Variants in IGSF11 observed in about 807,000 individuals in gnomAD.
The protein encoded by IGSF11 is immunoglobulin superfamily member 11, also known as CXADR like 1.
In IGSF11, 22 loss-of-function variants were observed where a neutral mutation model predicts 41.0. That is an observed-to-expected ratio of 0.54 (90% confidence interval 0.38 to 0.77). The LOEUF (loss-of-function observed/expected upper bound fraction) is 0.77. Among genes scored for constraint, IGSF11 ranks in the 30% least tolerant of loss-of-function variants. The pLI is 0.00. For missense variants in IGSF11, 444 were observed against 530.8 expected, an observed-to-expected ratio of 0.84 and a Z score of 1.61; for synonymous variants, 219 against 201.3, an observed-to-expected ratio of 1.09 and a Z score of -0.74.
At chr3:118,948,793 G>A (rs1026125828) in intron 1 of IGSF11, among the ~76,000 whole-genome samples, 6 of 151,642 alleles carry the variant, frequency 4.0e-5, no homozygotes, top group South Asian at 2.1e-4. Context: ...GTGAGACCCC[G>A]TTTCTACTAA....
At chr3:118,935,364 CCT>C (rs1943178624) in intron 1 of IGSF11, among the ~76,000 whole-genome samples, 1 of 121,994 alleles carries the variant, frequency 8.2e-6, no homozygotes, top group East Asian at 2.3e-4. Context: ...GTATATACAC[CCT>C]GAGATATATA....
At chr3:118,906,965 G>C (rs902533124) in intron 4 of IGSF11, among the ~76,000 whole-genome samples, 4 of 152,168 alleles carry the variant, frequency 2.6e-5, no homozygotes, top group Non-Finnish European at 5.9e-5. Context: ...TCACCTCTAA[G>C]CTCTAGGCTT....
chr3:119,051,676 A>C (rs771154880), intron 1 of IGSF11, among the ~76,000 whole-genome samples: 4 of 152,232 alleles, frequency 2.6e-5, no homozygotes, highest in Non-Finnish European at 4.4e-5. Context: ...CACAATATAC[A>C]TTCTATTTAT....
intron 1 of IGSF11, among the ~76,000 whole-genome samples, chr3:118,936,817 G>A (rs9837571): frequency 0.14 from 21,553 of 152,132 alleles, 2,186 homozygotes; most frequent in African/African-American, 0.26. Context: ...TACATGTTAG[G>A]GGAAATGAAG....
At chr3:118,993,028 C>G (rs185455561) in intron 1 of IGSF11, among the ~76,000 whole-genome samples, 38 of 152,240 alleles carry the variant, frequency 2.5e-4, no homozygotes, top group African/African-American at 8.4e-4. Context: ...GAGTTCAAGA[C>G]CAGCCTAGGG....
At chr3:119,075,845 T>G (rs2076485445) in intron 1 of IGSF11, among the ~76,000 whole-genome samples, 2 of 152,142 alleles carry the variant, frequency 1.3e-5, no homozygotes, top group African/African-American at 4.8e-5. Context: ...CCAAGGTAAT[T>G]TATAGATTCA....
chr3:119,058,198 G>C (rs1941924401), intron 1 of IGSF11, among the ~76,000 whole-genome samples: 1 of 151,950 alleles, frequency 6.6e-6, no homozygotes, highest in East Asian at 1.9e-4. Flanking sequence ...CCTACAAAAT[G>C]GGAGAAAATT....
chr3:119,087,781 T>TA (rs1286975402), intron 1 of IGSF11, among the ~76,000 whole-genome samples: 2 of 152,072 alleles, frequency 1.3e-5, no homozygotes, highest in African/African-American at 4.8e-5. Flanking sequence ...AAATAAAAAT[T>TA]AAAATTTTTT....
At chr3:118,949,556 A>G (rs992976195) in intron 1 of IGSF11, among the ~76,000 whole-genome samples, 2 of 152,202 alleles carry the variant, frequency 1.3e-5, no homozygotes, top group Non-Finnish European at 2.9e-5. Flanking sequence ...CATAGCTGAA[A>G]TGTGATGAAA....
rs28814994 is a variant in IGSF11, at chr3:119,111,350, A to G, written c.-13-6145T>C. On this transcript the variant is annotated intron_variant, in intron 1 of 7. Transcript: ENST00000425327. ...CTTCATTTCATTCATTTCATCTTCC[A>G]TCACTGATACCCTTTCTTCCAGTTG... Among the ~76,000 whole-genome samples, 489 of 152,104 alleles carry G rather than the reference A, an allele frequency of 3.2e-3. 2 individuals carry two copies. Among genetic ancestry groups the G allele is most frequent in the African/African-American group, 0.011 (468 of 41,490 alleles).
chr3:119,025,745 T>A (rs2107722567), intron 1 of IGSF11, among the ~76,000 whole-genome samples: 1 of 152,180 alleles, frequency 6.6e-6, no homozygotes, highest in African/African-American at 2.4e-5. Flanking sequence ...GGATGTTAAA[T>A]GTGTACATCC....
At chr3:118,905,922 C>T (rs947178704) in intron 4 of IGSF11, among the ~76,000 whole-genome samples, 12 of 152,028 alleles carry the variant, frequency 7.9e-5, no homozygotes, top group Admixed American at 5.2e-4. Flanking sequence ...AACTTTGGAG[C>T]GCTGTCCTAA....
intron 1 of IGSF11, among the ~76,000 whole-genome samples, chr3:118,942,365 C>T (rs1411651207): frequency 1.3e-5 from 2 of 152,196 alleles, no homozygotes; most frequent in African/African-American, 4.8e-5. Context: ...AGGCACTTAA[C>T]CCTACAACAC....
intron 4 of IGSF11, among the ~76,000 whole-genome samples, chr3:118,917,292 C>A (rs1381011476): frequency 6.7e-6 from 1 of 149,542 alleles, no homozygotes; most frequent in Admixed American, 6.7e-5. Context: ...ACACAAAAAA[C>A]CCTTCAAAAA....
chr3:119,060,611 T>C (rs945597772), intron 1 of IGSF11, among the ~76,000 whole-genome samples: 2 of 152,158 alleles, frequency 1.3e-5, no homozygotes, highest in Non-Finnish European at 2.9e-5. Context: ...TTTTTCCAGA[T>C]AAAGAAAACT....
At chr3:119,052,897 T>C (rs1488676775) in intron 1 of IGSF11, among the ~76,000 whole-genome samples, 1 of 152,110 alleles carries the variant, frequency 6.6e-6, no homozygotes, top group Non-Finnish European at 1.5e-5. Context: ...ACAAAGGTCA[T>C]ATGATCATCT....
intron 1 of IGSF11, among the ~76,000 whole-genome samples, chr3:119,075,900 G>GA (rs1559853095): frequency 1.3e-5 from 2 of 152,180 alleles, no homozygotes; most frequent in Non-Finnish European, 1.5e-5. Flanking sequence ...CACAGAACTG[G>GA]AAAAAACTAC....
At chr3:119,034,859 G>A (rs953927668), upstream of IGSF11, 3 of 1,210,932 alleles carry the variant, frequency 2.5e-6, no homozygotes, top group African/African-American at 3.1e-5. Context: ...CCGACCCCTC[G>A]CGCAGTCCGG....
chr3:118,946,297 C>T (rs1434318445), intron 1 of IGSF11, among the ~76,000 whole-genome samples: 1 of 151,392 alleles, frequency 6.6e-6, no homozygotes, highest in Non-Finnish European at 1.5e-5. Context: ...ACACAACTTC[C>T]CCCCGAAATT....
Sources: gnomAD v4.1 joint callset for allele counts (sites outside exome capture counted in the v4.1 genomes callset) on GRCh38, gnomAD v4.1.1 for gene constraint, MANE v1.5 for transcripts, NCBI Gene and HGNC (gene_info 2026-07-23, HGNC 2026-07-21) for gene names.